The following RPS6KC1 variants were observed in gnomAD, a reference collection of about 807,000 sequenced individuals.
The protein encoded by RPS6KC1 is ribosomal protein S6 kinase C1.
In RPS6KC1, 54 loss-of-function variants were observed where a neutral mutation model predicts 103.8. The observed-to-expected ratio is 0.52, with a 90% CI of 0.42 to 0.65. RPS6KC1 has a LOEUF of 0.65. RPS6KC1 is among the 30% of genes least tolerant of loss of function. RPS6KC1 has a pLI of 0.00. For synonymous variants in RPS6KC1, 439 were observed against 438.7 expected (o/e 1.00, Z -0.01); for missense variants, 1,151 against 1,253.8 (o/e 0.92, Z 1.24).
At chr1:213,845,836 T>G in the RPS6KC1 span, among the ~76,000 whole-genome samples, 3 of 152,154 alleles carry the variant, frequency 2.0e-5, no homozygotes, top group African/African-American at 4.8e-5. Context: ...ATAGAGTTAT[T>G]GTGAGGATTA....
chr1:213,563,972 CT>C, the RPS6KC1 span, among the ~76,000 whole-genome samples: 31,265 of 134,310 alleles, frequency 0.23, 3,826 homozygotes, highest in African/African-American at 0.39. Context: ...TTGCTTACCT[CT>C]TTTTTTTTTT....
At chr1:213,188,668 C>G (rs906748341) in intron 8 of RPS6KC1, among the ~76,000 whole-genome samples, 1 of 151,934 alleles carries the variant, frequency 6.6e-6, no homozygotes, top group African/African-American at 2.4e-5. Context: ...GTAAATATAA[C>G]AAGACATAGG....
At chr1:213,726,591 A>G in the RPS6KC1 span, among the ~76,000 whole-genome samples, 1 of 151,794 alleles carries the variant, frequency 6.6e-6, no homozygotes, top group Non-Finnish European at 1.5e-5. Flanking sequence ...CAACTAAGTA[A>G]TAAAAAAATT....
chr1:213,455,140 G>C, the RPS6KC1 span, among the ~76,000 whole-genome samples: 1 of 152,158 alleles, frequency 6.6e-6, no homozygotes, highest in Admixed American at 6.5e-5. Flanking sequence ...ATAGAGAAAA[G>C]GATGGAGGTG....
chr1:213,438,574 C>T, the RPS6KC1 span, among the ~76,000 whole-genome samples: 1 of 152,108 alleles, frequency 6.6e-6, no homozygotes, highest in South Asian at 2.1e-4. Flanking sequence ...GAGGCTGCTC[C>T]TCCTTAGTGG....
At chr1:213,128,549 T>C (rs1468938594) in intron 5 of RPS6KC1, among the ~76,000 whole-genome samples, 3 of 152,204 alleles carry the variant, frequency 2.0e-5, no homozygotes, top group Non-Finnish European at 2.9e-5. Flanking sequence ...ATGTCAGTTA[T>C]ATGAACTAGG....
chr1:213,233,297 G>A (rs1271973095), intron 10 of RPS6KC1, among the ~76,000 whole-genome samples: 1 of 152,124 alleles, frequency 6.6e-6, no homozygotes, highest in Non-Finnish European at 1.5e-5. Context: ...TTGTGTGTGT[G>A]AATTGGATAA....
At chr1:213,466,218 T>C in the RPS6KC1 span, among the ~76,000 whole-genome samples, 29 of 152,178 alleles carry the variant, frequency 1.9e-4, no homozygotes, top group African/African-American at 6.5e-4. Context: ...TGAGATGCCA[T>C]ACAACCTAAG....
chr1:213,220,891 T>C (rs1054595289), intron 8 of RPS6KC1, among the ~76,000 whole-genome samples: 1 of 152,212 alleles, frequency 6.6e-6, no homozygotes, highest in Non-Finnish European at 1.5e-5. Context: ...ATATGAAGTA[T>C]TATGGTAAAT....
chr1:213,441,818 T>C, the RPS6KC1 span, among the ~76,000 whole-genome samples: 18 of 152,360 alleles, frequency 1.2e-4, no homozygotes, highest in Admixed American at 3.3e-4. Context: ...TAGAGTATTA[T>C]ACATTTTGAA....
intron 4 of RPS6KC1, among the ~76,000 whole-genome samples, chr1:213,112,871 G>A (rs1490880910): frequency 2.6e-5 from 4 of 152,176 alleles, no homozygotes; most frequent in East Asian, 3.9e-4. Context: ...AGTTTCATCC[G>A]TGTCCCTACA....
the RPS6KC1 span, among the ~76,000 whole-genome samples, chr1:213,424,671 C>A: frequency 5.3e-5 from 8 of 152,358 alleles, no homozygotes; most frequent in Admixed American, 5.2e-4. Context: ...CTGCGACTTT[C>A]ATTTTGTTGT....
the RPS6KC1 span, among the ~76,000 whole-genome samples, chr1:213,424,239 C>G: frequency 6.6e-6 from 1 of 152,188 alleles, no homozygotes; most frequent in Non-Finnish European, 1.5e-5. Context: ...AACTCAACTT[C>G]GGCTTTCTAC....
chr1:213,705,219 C>T, the RPS6KC1 span, among the ~76,000 whole-genome samples: 1 of 152,236 alleles, frequency 6.6e-6, no homozygotes. Context: ...GCAAGTTCCC[C>T]TAGGCCCCAG....
the RPS6KC1 span, among the ~76,000 whole-genome samples, chr1:213,578,516 G>A: frequency 7.9e-4 from 120 of 152,318 alleles, no homozygotes; most frequent in African/African-American, 2.7e-3. Context: ...AGCCAGTAGC[G>A]GGACTGTACC....
the RPS6KC1 span, among the ~76,000 whole-genome samples, chr1:213,655,950 G>GAA: frequency 6.6e-6 from 1 of 152,230 alleles, no homozygotes; most frequent in South Asian, 2.1e-4. Context: ...TCTTGAAATT[G>GAA]ATTTGTCAGA....
chr1:213,232,214 T>C lies in RPS6KC1; in HGVS notation c.1184T>C (p.Ile395Thr). 1.9e-6 allele frequency: 3 copies of C among 1,614,052 alleles called. No homozygotes were observed. Among genetic ancestry groups the C allele is most frequent in the Non-Finnish European group, 2.5e-6 (3 of 1,179,900 alleles). The change falls in exon 10 of 15, where the codon ATC becomes ACC. Residue 395 changes from isoleucine to threonine, a missense_variant. Around this residue, in one of 3 missense-constraint regions of RPS6KC1, gnomAD observed 959 missense variants for 1,006.3 expected, o/e 0.95. Transcript: ENST00000366960. ...ATGGTGTGTCTGCATAAGTACATCA[T>C]CTCTGAGGAGTCAGTATTTCTTGTG... Reference protein sequence around the residue: ...PNMVCLHKYIISEESVFLVLQ... With the variant: ...PNMVCLHKYITSEESVFLVLQ...
At chr1:213,309,988 T>G in the RPS6KC1 span, among the ~76,000 whole-genome samples, 1 of 152,120 alleles carries the variant, frequency 6.6e-6, no homozygotes, top group Non-Finnish European at 1.5e-5. Flanking sequence ...CCCAGCAGAT[T>G]CCCCTCTTGT....
the RPS6KC1 span, among the ~76,000 whole-genome samples, chr1:213,636,882 A>C: frequency 6.6e-6 from 1 of 152,216 alleles, no homozygotes; most frequent in African/African-American, 2.4e-5. Flanking sequence ...CAAAGGGCTA[A>C]TATCCAGAAT....
Sources: allele counts gnomAD v4.1 joint callset (sites outside exome capture counted in the v4.1 genomes callset), GRCh38; gene constraint gnomAD v4.1.1; regional missense constraint gnomAD v4.1.1; transcripts MANE v1.5; gene names NCBI Gene and HGNC (gene_info 2026-07-23, HGNC 2026-07-21).